Variants in SLIT3 observed in about 807,000 individuals in gnomAD.
The protein encoded by SLIT3 is slit homolog 3 protein.
In SLIT3, 68 loss-of-function variants were observed where a neutral mutation model predicts 184.0. The observed-to-expected ratio is 0.37, with a 90% CI of 0.30 to 0.45. The LOEUF is 0.45. SLIT3 is among the 20% of genes least tolerant of loss of function. The pLI is 1.00. For missense variants in SLIT3, 1,707 were observed against 2,026.0 expected, an observed-to-expected ratio of 0.84 and a Z score of 3.02; for synonymous variants, 831 against 828.6, an observed-to-expected ratio of 1.00 and a Z score of -0.05.
At chr5:168,856,801 G>C (rs1341253127) in intron 5 of SLIT3, among the ~76,000 whole-genome samples, 3 of 147,352 alleles carry the variant, frequency 2.0e-5, no homozygotes, top group African/African-American at 7.7e-5. Flanking sequence ...GTGTGTGTGT[G>C]TGTGTGCGCG....
intron 4 of SLIT3, among the ~76,000 whole-genome samples, chr5:169,118,127 A>G (rs895717426): frequency 1.3e-5 from 2 of 152,220 alleles, no homozygotes; most frequent in Non-Finnish European, 2.9e-5. Context: ...GCACTGAGCT[A>G]TGATCACATT....
intron 12 of SLIT3, among the ~76,000 whole-genome samples, chr5:168,775,213 T>C (rs1755701191): frequency 6.6e-6 from 1 of 152,074 alleles, no homozygotes; most frequent in Non-Finnish European, 1.5e-5. Flanking sequence ...AATTTTTGTA[T>C]TTTTAGTAGA....
chr5:169,232,691 G>A (rs1415280419), intron 3 of SLIT3, among the ~76,000 whole-genome samples: 4 of 152,174 alleles, frequency 2.6e-5, no homozygotes, highest in Non-Finnish European at 5.9e-5. Flanking sequence ...TGGCCTCACA[G>A]AGCCACCTTT....
At chr5:169,228,209 G>A (rs992918052) in intron 3 of SLIT3, among the ~76,000 whole-genome samples, 1 of 152,112 alleles carries the variant, frequency 6.6e-6, no homozygotes, top group African/African-American at 2.4e-5. Flanking sequence ...AGGAGCTCCT[G>A]GGAGAAAAAC....
chr5:168,812,270 A>G (rs1385806765), intron 8 of SLIT3, among the ~76,000 whole-genome samples: 1 of 152,204 alleles, frequency 6.6e-6, no homozygotes, highest in Non-Finnish European at 1.5e-5. Flanking sequence ...GAGAGGAGTG[A>G]GTTGTGGTGT....
intron 1 of SLIT3, among the ~76,000 whole-genome samples, chr5:169,289,632 A>C (rs975002800): frequency 6.6e-6 from 1 of 152,220 alleles, no homozygotes; most frequent in African/African-American, 2.4e-5. Flanking sequence ...GGTCCAGGCC[A>C]TGAAATCCAA....
chr5:168,803,525 T>A (rs1281410090), intron 9 of SLIT3, among the ~76,000 whole-genome samples: 1 of 152,214 alleles, frequency 6.6e-6, no homozygotes, highest in Non-Finnish European at 1.5e-5. Flanking sequence ...TTATCTGCAA[T>A]TTCTGTCTCC....
At chr5:169,097,700 C>CGCA (rs1260587251) in intron 4 of SLIT3, among the ~76,000 whole-genome samples, 22 of 152,254 alleles carry the variant, frequency 1.4e-4, no homozygotes, top group African/African-American at 5.3e-4. Flanking sequence ...GGCAGTCAGG[C>CGCA]GCAGCAGCAG....
chr5:168,768,612 T>G (rs925195233), intron 14 of SLIT3, among the ~76,000 whole-genome samples: 1 of 152,222 alleles, frequency 6.6e-6, no homozygotes, highest in Non-Finnish European at 1.5e-5. Context: ...TGACAAGACA[T>G]TAAACTTAGA....
At chr5:169,103,908 C>T (rs1006908637) in intron 4 of SLIT3, among the ~76,000 whole-genome samples, 34 of 152,200 alleles carry the variant, frequency 2.2e-4, no homozygotes, top group Middle Eastern at 3.2e-3. Flanking sequence ...GATGCAGGGC[C>T]GAGTGGCCCT....
rs187099270 is a variant in SLIT3 at position 169,107,919 on chromosome 5, G to A, written c.413+85560C>T. On this transcript the variant is annotated intron_variant, in intron 4 of 35. Coordinates refer to ENST00000519560, the MANE Select transcript of SLIT3 (RefSeq NM_003062.4). ...CCTTCAGAGAAGCCTTCTTGACCTC[G>A]ATGATCGGGCTGAGATGCCTCCCAG... 2.0e-5 allele frequency among the ~76,000 whole-genome samples: 3 copies of A among 152,306 alleles called. No homozygotes were observed. The East Asian group carries it at 5.8e-4, about 29-fold the overall frequency.
chr5:169,132,828 T>C (rs1761355564), intron 4 of SLIT3, among the ~76,000 whole-genome samples: 1 of 152,222 alleles, frequency 6.6e-6, no homozygotes, highest in Non-Finnish European at 1.5e-5. Context: ...TGGACATTTA[T>C]TTTATACTCA....
At chr5:168,714,595 CAAA>C (rs1184343805) in intron 23 of SLIT3, among the ~76,000 whole-genome samples, 1 of 151,960 alleles carries the variant, frequency 6.6e-6, no homozygotes, top group South Asian at 2.1e-4. Context: ...AACAAACAAA[CAAA>C]AAAACCCTGC....
intron 20 of SLIT3, among the ~76,000 whole-genome samples, chr5:168,737,925 C>G (rs994913654): frequency 6.6e-6 from 1 of 152,226 alleles, no homozygotes; most frequent in Non-Finnish European, 1.5e-5. Flanking sequence ...GAGGCCCTAC[C>G]TTCACAGAGA....
At chr5:168,992,136 C>G (rs1755351190) in intron 4 of SLIT3, among the ~76,000 whole-genome samples, 2 of 152,252 alleles carry the variant, frequency 1.3e-5, no homozygotes, top group Admixed American at 1.3e-4. Flanking sequence ...GCCCCACCCC[C>G]TCTCCTGAGC....
At chr5:169,004,712 G>A (rs114490724) in intron 4 of SLIT3, among the ~76,000 whole-genome samples, 1 of 152,052 alleles carries the variant, frequency 6.6e-6, no homozygotes, top group Non-Finnish European at 1.5e-5. Flanking sequence ...TGGAGCCTTT[G>A]GGAAGGAATT....
At chr5:168,926,552 C>G (rs754869241) in intron 4 of SLIT3, among the ~76,000 whole-genome samples, 39 of 152,188 alleles carry the variant, frequency 2.6e-4, no homozygotes, top group Non-Finnish European at 5.0e-4. Context: ...TTCATCTTTC[C>G]TACCGGCAGA....
chr5:169,032,159 A>T (rs548214086), intron 4 of SLIT3, among the ~76,000 whole-genome samples: 1 of 152,306 alleles, frequency 6.6e-6, no homozygotes, highest in South Asian at 2.1e-4. Context: ...CATGTCAGTG[A>T]AAGTCGACTG....
intron 3 of SLIT3, among the ~76,000 whole-genome samples, chr5:169,218,462 C>T (rs745318755): frequency 6.6e-6 from 1 of 152,222 alleles, no homozygotes; most frequent in Non-Finnish European, 1.5e-5. Flanking sequence ...GCACCTCAGG[C>T]CATGCCCCAG....
Sources: allele counts gnomAD v4.1 joint callset (sites outside exome capture counted in the v4.1 genomes callset), GRCh38; gene constraint gnomAD v4.1.1; transcripts MANE v1.5; gene names NCBI Gene and HGNC (gene_info 2026-07-23, HGNC 2026-07-21).